The following NTNG1 variants were observed in gnomAD, a reference collection of about 807,000 sequenced individuals.
NTNG1 encodes the protein netrin G1.
Under a neutral mutation model 54.0 loss-of-function variants are expected in NTNG1, and 16 were observed. That is an observed-to-expected ratio of 0.30 (90% confidence interval 0.20 to 0.45). The LOEUF is 0.45. Among genes scored for constraint, NTNG1 ranks in the 20% least tolerant of loss-of-function variants. The probability of loss-of-function intolerance (pLI) is 1.00; values close to 1 mark genes in which losing one functional copy is unlikely to be tolerated. For missense variants in NTNG1, 530 were observed against 678.7 expected (o/e 0.78, Z 2.43); for synonymous variants, 255 against 263.1 (o/e 0.97, Z 0.30).
rs1176498404 is a variant in NTNG1 at position 107,407,609 on chromosome 1, T to C, written c.1061-73T>C. The stretch of plus-strand genomic sequence containing the variant: ...ATCAAGTGTCAAGTTTCTAAGATTT[T>C]TATATTAAGTTAAAGATGTTATGTA... On this transcript the variant is annotated intron_variant, in intron 4 of 7. Transcript: ENST00000370068. 3 of 1,248,062 alleles carry C rather than the reference T, an allele frequency of 2.4e-6. No homozygotes were observed. The African/African-American group carries it at 4.6e-5, about 19-fold the overall frequency. 77.3% of individuals were successfully genotyped at this position (1,248,062 alleles called of 1,614,324 possible).
chr1:107,373,430 A>G (rs1000851298), intron 3 of NTNG1, among the ~76,000 whole-genome samples: 2 of 152,066 alleles, frequency 1.3e-5, no homozygotes, highest in African/African-American at 4.8e-5. Context: ...TATATATCTA[A>G]TATACCTCAC....
intron 5 of NTNG1, among the ~76,000 whole-genome samples, chr1:107,417,627 G>C (rs992377479): frequency 1.3e-5 from 2 of 152,004 alleles, no homozygotes; most frequent in African/African-American, 4.8e-5. Context: ...AGGAACACTG[G>C]AAGTAACAGG....
At chr1:107,394,245 A>G (rs373115330) in intron 3 of NTNG1, among the ~76,000 whole-genome samples, 4 of 152,306 alleles carry the variant, frequency 2.6e-5, no homozygotes, top group African/African-American at 9.6e-5. Context: ...TACAGTTTAT[A>G]TCCTGCTGCC....
At chr1:107,192,351 C>G (rs1007113998) in intron 2 of NTNG1, among the ~76,000 whole-genome samples, 17 of 152,008 alleles carry the variant, frequency 1.1e-4, no homozygotes, top group South Asian at 2.1e-4. Flanking sequence ...GATGGATAAG[C>G]CTGCCCAGCG....
At chr1:107,279,558 TC>T (rs1313665285) in intron 2 of NTNG1, among the ~76,000 whole-genome samples, 45 of 152,326 alleles carry the variant, frequency 3.0e-4, no homozygotes, top group African/African-American at 1.1e-3. Flanking sequence ...ACCTTTCTGT[TC>T]CTGTAGAATG....
chr1:107,445,850 G>A (rs983719958), intron 7 of NTNG1, among the ~76,000 whole-genome samples: 3 of 151,928 alleles, frequency 2.0e-5, no homozygotes, highest in African/African-American at 7.2e-5. Context: ...TTTTTTTATG[G>A]ATGCTGAAAT....
Position 107,430,827 on chromosome 1 carries a change from C to A in NTNG1, c.1165C>A (p.His389Asn), listed in dbSNP as rs1675214897. 1 of 1,613,172 alleles carries A rather than the reference C, an allele frequency of 6.2e-7. No homozygotes were observed. The highest frequency in any genetic ancestry group is 1.3e-5 in the African/African-American group (1 of 74,906). The change falls in exon 6 of 8, where the codon CAC (histidine) becomes AAC (asparagine). Residue 389 changes from histidine to asparagine, a missense_variant. His to Asn is a moderately conservative substitution (Grantham distance 68). This residue lies in a region of NTNG1 where 212 missense variants were observed against 213.6 expected (regional missense o/e 0.99). Coordinates refer to ENST00000370068, the MANE Select transcript of NTNG1 (RefSeq NM_001113226.3). ...TACAGTCATTTGCGTGAGCTGTAAA[C>A]ACAACACTAGAGGGCAGCACTGTGA... is the stretch of plus-strand genomic sequence containing the variant. ...LNTVICVSCK[H>N]NTRGQHCELC... is the part of the protein sequence containing the mutation.
Position 107,483,450 on chromosome 1 carries a change from C to T in NTNG1, c.*2610C>T, listed in dbSNP as rs1221558503. On this transcript the variant is annotated 3_prime_UTR_variant, in exon 8 of 8. Transcript: ENST00000370068. ...GTGATCTGCTTTTAATAAAAATTCA[C>T]TTTTAGGTGTACAACAAATGGAAAT... is the stretch of plus-strand genomic sequence containing the variant. 1 of 152,188 alleles carries T rather than the reference C, an allele frequency of 6.6e-6. No individual in the cohort carries two copies. The highest frequency in any genetic ancestry group is 1.5e-5 in the Non-Finnish European group (1 of 68,032). 9.4% of individuals were successfully genotyped at this position (152,188 alleles called of 1,614,324 possible).
intron 2 of NTNG1, among the ~76,000 whole-genome samples, chr1:107,237,554 C>T (rs1209784673): frequency 6.6e-6 from 1 of 152,116 alleles, no homozygotes; most frequent in Non-Finnish European, 1.5e-5. Flanking sequence ...CATGGCAGTC[C>T]TTCCCATCAC....
intron 2 of NTNG1, among the ~76,000 whole-genome samples, chr1:107,251,931 A>T (rs925294000): frequency 6.6e-6 from 1 of 152,192 alleles, no homozygotes; most frequent in Non-Finnish European, 1.5e-5. Context: ...ATACCAAAAT[A>T]CTGAGAACGG....
intron 2 of NTNG1, among the ~76,000 whole-genome samples, chr1:107,271,231 G>T (rs942686966): frequency 6.6e-6 from 1 of 151,760 alleles, no homozygotes; most frequent in Non-Finnish European, 1.5e-5. Flanking sequence ...TAAGTTTTAG[G>T]GTACATGTGC....
At chr1:107,389,592 C>A (rs543794697) in intron 3 of NTNG1, among the ~76,000 whole-genome samples, 5 of 152,296 alleles carry the variant, frequency 3.3e-5, no homozygotes, top group Admixed American at 3.3e-4. Context: ...CACTGGTGTT[C>A]GTAAAGTTTG....
At chr1:107,373,704 TA>T (rs947856791) in intron 3 of NTNG1, among the ~76,000 whole-genome samples, 2 of 149,788 alleles carry the variant, frequency 1.3e-5, no homozygotes, top group African/African-American at 2.4e-5. Context: ...TTTATTTATT[TA>T]TTTTTTTTCA....
chr1:107,350,646 G>C (rs567919246), intron 3 of NTNG1, among the ~76,000 whole-genome samples: 7 of 152,228 alleles, frequency 4.6e-5, no homozygotes, highest in Admixed American at 1.3e-4. Context: ...TATACAATGT[G>C]ATGTTATTCA....
chr1:107,290,227 C>G (rs1047918731), intron 2 of NTNG1, among the ~76,000 whole-genome samples: 4 of 152,158 alleles, frequency 2.6e-5, no homozygotes, highest in Non-Finnish European at 4.4e-5. Context: ...GGTATACATA[C>G]TGAAATATCA....
intron 3 of NTNG1, among the ~76,000 whole-genome samples, chr1:107,385,338 T>C (rs1671896391): frequency 6.6e-6 from 1 of 151,870 alleles, no homozygotes; most frequent in South Asian, 2.1e-4. Flanking sequence ...ATAGTCCATG[T>C]GGTCCTGGTC....
At chr1:107,375,520 A>G (rs1671175843) in intron 3 of NTNG1, among the ~76,000 whole-genome samples, 1 of 152,248 alleles carries the variant, frequency 6.6e-6, no homozygotes, top group African/African-American at 2.4e-5. Context: ...TCCAGTGATT[A>G]CTGACATGAT....
intron 2 of NTNG1, among the ~76,000 whole-genome samples, chr1:107,323,170 T>C (rs1426332943): frequency 6.7e-6 from 1 of 149,932 alleles, no homozygotes; most frequent in Non-Finnish European, 1.5e-5. Context: ...CCAAGGACAA[T>C]GTCCGAGGAT....
chr1:107,476,394 C>T (rs1056943046), intron 7 of NTNG1, among the ~76,000 whole-genome samples: 2 of 152,226 alleles, frequency 1.3e-5, no homozygotes, highest in African/African-American at 4.8e-5. Context: ...ATTTGTGTCT[C>T]CAGGATGACC....
Sources: allele counts gnomAD v4.1 joint callset (sites outside exome capture counted in the v4.1 genomes callset), GRCh38; gene constraint gnomAD v4.1.1; regional missense constraint gnomAD v4.1.1; transcripts MANE v1.5; gene names NCBI Gene and HGNC (gene_info 2026-07-23, HGNC 2026-07-21).